SYNE1: variants seen among roughly 807,000 people sequenced by gnomAD.
SYNE1 encodes spectrin repeat containing nuclear envelope protein 1, also known as nesprin-1.
In SYNE1, 616 loss-of-function variants were observed where a neutral mutation model predicts 1,111.0. The ratio of observed to expected loss-of-function variants is 0.55; its 90% CI spans 0.52 to 0.59. SYNE1 has a LOEUF of 0.59. Among genes scored for constraint, SYNE1 ranks in the 20% least tolerant of loss-of-function variants. The probability of loss-of-function intolerance (pLI) is 0.00; values close to 1 mark genes in which losing one functional copy is unlikely to be tolerated. For synonymous variants in SYNE1, 3,855 were observed against 3,825.8 expected, an observed-to-expected ratio of 1.01 and a Z score of -0.28; for missense variants, 10,006 against 10,417.0, an observed-to-expected ratio of 0.96 and a Z score of 1.72.
chr6:152,170,753 G>A (rs1276481553), intron 130 of SYNE1, among the ~76,000 whole-genome samples: 5 of 152,298 alleles, frequency 3.3e-5, no homozygotes, highest in Non-Finnish European at 2.9e-5. Context: ...AACTCCCTCT[G>A]GGATGAGAGC....
chr6:152,308,123 G>C (rs2095434850), intron 91 of SYNE1, among the ~76,000 whole-genome samples: 1 of 152,188 alleles, frequency 6.6e-6, no homozygotes, highest in Admixed American at 6.5e-5. Context: ...GAGCCACCAA[G>C]ACAGAGATCA....
At chr6:152,490,972 A>T (rs1385309489) in intron 11 of SYNE1, among the ~76,000 whole-genome samples, 1 of 152,092 alleles carries the variant, frequency 6.6e-6, no homozygotes, top group African/African-American at 2.4e-5. Context: ...TTCCTCTCTA[A>T]TAGAGACAAA....
At chr6:152,521,633 C>G (rs1260183763) in intron 5 of SYNE1, among the ~76,000 whole-genome samples, 1 of 152,156 alleles carries the variant, frequency 6.6e-6, no homozygotes, top group Non-Finnish European at 1.5e-5. Context: ...GACTTCTCCT[C>G]CTCTGTTCAT....
intron 145 of SYNE1, chr6:152,125,510 A>G (rs2053084639): frequency 3.1e-5 from 33 of 1,058,854 alleles, no homozygotes; most frequent in Non-Finnish European, 4.2e-5. Flanking sequence ...TTTGCCTTAA[A>G]GTGTCTTAAG....
At chr6:152,374,775 AAAATAAAT>A (rs142488346) in intron 58 of SYNE1, among the ~76,000 whole-genome samples, 7 of 149,664 alleles carry the variant, frequency 4.7e-5, no homozygotes, top group Non-Finnish European at 1.0e-4. Flanking sequence ...ACTTTTCTCA[AAAATAAAT>A]AAATAAATAA....
intron 95 of SYNE1, among the ~76,000 whole-genome samples, chr6:152,291,254 T>C: frequency 7.2e-6 from 1 of 138,888 alleles, no homozygotes; most frequent in East Asian, 2.0e-4. Flanking sequence ...TATATTAATA[T>C]GATATATTAA....
intron 55 of SYNE1, among the ~76,000 whole-genome samples, chr6:152,383,289 A>C (rs2097458943): frequency 6.6e-6 from 1 of 152,214 alleles, no homozygotes; most frequent in Non-Finnish European, 1.5e-5. Context: ...CCTTTGTGAA[A>C]GAATTATCTT....
chr6:152,151,461 A>C (rs1027583087), intron 135 of SYNE1, 92 bp downstream of exon 135: 124 of 1,529,202 alleles, frequency 8.1e-5, no homozygotes, highest in Middle Eastern at 2.2e-4. Context: ...TTTCAAAAGA[A>C]AAGTTATTTG....
In SYNE1 at chr6:152,433,714, C is replaced by T. The variant is rs577259479; in HGVS notation, c.4461+81G>A. On this transcript the variant is annotated intron_variant, in intron 34 of 145. Transcript: ENST00000367255. ...TGCAATGAAAGTCTTGTCCTGGGACCGAACAGCATTTGATGAAATGTAAGA... is the reference window on the plus strand; with the variant it reads ...TGCAATGAAAGTCTTGTCCTGGGACTGAACAGCATTTGATGAAATGTAAGA... The T allele has an allele frequency of 2.8e-5, 43 of 1,533,390 alleles. 1 individual carries two copies. Among genetic ancestry groups the T allele is most frequent in the South Asian group, 2.0e-4 (18 of 89,172 alleles). The allele number at this position is 1,533,390 out of a possible 1,614,324, so 95.0% of individuals were successfully genotyped here.
intron 56 of SYNE1, among the ~76,000 whole-genome samples, chr6:152,378,335 C>A (rs1321565549): frequency 6.6e-6 from 1 of 152,196 alleles, no homozygotes; most frequent in African/African-American, 2.4e-5. Context: ...CCACATCCCT[C>A]AACAAACCAG....
At chr6:152,535,646 T>C (rs1042472580) in intron 4 of SYNE1, among the ~76,000 whole-genome samples, 1 of 152,196 alleles carries the variant, frequency 6.6e-6, no homozygotes, top group Non-Finnish European at 1.5e-5. Flanking sequence ...TCCATTCTAT[T>C]TGATAAAATG....
intron 106 of SYNE1, among the ~76,000 whole-genome samples, chr6:152,243,455 G>T (rs983195631): frequency 3.9e-5 from 6 of 152,126 alleles, no homozygotes; most frequent in African/African-American, 1.4e-4. Flanking sequence ...TTTATTTGAG[G>T]CATACGGACC....
rs1163444323 is a variant in SYNE1 at position 152,201,856 on chromosome 6, C to CATGGTGATCCGGGAGAGACTGCGA, written c.23089_23112dup (p.Ser7697_His7704dup). The CATGGTGATCCGGGAGAGACTGCGA allele has an allele frequency of 3.7e-6, 6 of 1,613,942 alleles. No homozygotes were observed. The East Asian group carries it at 1.3e-4, about 36-fold the overall frequency. ...CGCATTTGTTCTGCATGGAGCTCTT[C>CATGGTGATCCGGGAGAGACTGCGA]ATGGTGATCCGGGAGAGACTGCGAA... is the stretch of plus-strand genomic sequence containing the variant. On this transcript the variant is annotated inframe_insertion, in exon 127 of 146. Coordinates refer to ENST00000367255, the MANE Select transcript of SYNE1 (RefSeq NM_182961.4).
In SYNE1 at chr6:152,631,109, G is replaced by C. The variant is rs561215494; in HGVS notation, c.-223-2555C>G. Among the ~76,000 whole-genome samples, 4 of 152,286 alleles carry C rather than the reference G, an allele frequency of 2.6e-5. No individual in the cohort carries two copies. The East Asian group carries it at 7.7e-4, about 29-fold the overall frequency. On this transcript the variant is annotated intron_variant, in intron 2 of 145. Coordinates refer to ENST00000367255, the MANE Select transcript of SYNE1 (RefSeq NM_182961.4). ...TAGAAAAGATAATACAAAAATACCA[G>C]GGCTAAGTGCAAATACAAAGATGTG...
chr6:152,622,323 A>C (rs1311202897), intron 3 of SYNE1, among the ~76,000 whole-genome samples: 1 of 152,036 alleles, frequency 6.6e-6, no homozygotes, highest in Non-Finnish European at 1.5e-5. Context: ...TACATAGGTA[A>C]ATTTGTGTCA....
chr6:152,456,490 C>CTATATATATA (rs139681123), intron 22 of SYNE1, among the ~76,000 whole-genome samples: 39 of 148,094 alleles, frequency 2.6e-4, no homozygotes, highest in Middle Eastern at 3.6e-3. Flanking sequence ...AAGAGATGCA[C>CTATATATATA]TATATATATA....
chr6:152,143,243 CATG>C (rs2058840509), intron 138 of SYNE1, among the ~76,000 whole-genome samples: 1 of 152,174 alleles, frequency 6.6e-6, no homozygotes. Flanking sequence ...AAAAAAACTG[CATG>C]TTAGTAATCT....
chr6:152,367,003 C>CTTTAT (rs778136009), intron 62 of SYNE1: 1 of 711,000 alleles, frequency 1.4e-6, no homozygotes, highest in South Asian at 1.5e-5. Context: ...CACATTCGGG[C>CTTTAT]TTTATTTTAT....
intron 138 of SYNE1, among the ~76,000 whole-genome samples, chr6:152,143,135 C>T (rs2058816215): frequency 6.6e-6 from 1 of 152,106 alleles, no homozygotes; most frequent in South Asian, 2.1e-4. Flanking sequence ...TCCCCAAATC[C>T]CTCTTGCTAG....
Sources: allele counts gnomAD v4.1 joint callset (sites outside exome capture counted in the v4.1 genomes callset), GRCh38; gene constraint gnomAD v4.1.1; transcripts MANE v1.5; gene names NCBI Gene and HGNC (gene_info 2026-07-23, HGNC 2026-07-21).